CUEDC1: variants seen among roughly 807,000 people sequenced by gnomAD.
CUEDC1 encodes the protein CUE domain containing 1, also known as CUE domain-containing protein 1.
Under a neutral mutation model 43.7 loss-of-function variants are expected in CUEDC1, and 30 were observed. The observed-to-expected ratio is 0.69, with a 90% confidence interval of 0.51 to 0.93. The LOEUF (loss-of-function observed/expected upper bound fraction) is 0.93. Among genes scored for constraint, CUEDC1 ranks in the 40% least tolerant of loss-of-function variants. The pLI is 0.00. For synonymous variants in CUEDC1, 223 were observed against 223.6 expected (o/e 1.00, Z 0.02); for missense variants, 486 against 549.0 (o/e 0.89, Z 1.15).
At chr17:57,920,632 C>T (rs1211163178) in intron 1 of CUEDC1, among the ~76,000 whole-genome samples, 8 of 115,188 alleles carry the variant, frequency 6.9e-5, no homozygotes, top group East Asian at 2.6e-4. Flanking sequence ...TTTTTCTTTT[C>T]TTTTTTTTTT....
intron 1 of CUEDC1, among the ~76,000 whole-genome samples, chr17:57,894,839 G>C (rs1161807484): frequency 6.6e-6 from 1 of 152,122 alleles, no homozygotes; most frequent in African/African-American, 2.4e-5. Flanking sequence ...GGACAAATTG[G>C]TCCCAGAGCC....
intron 1 of CUEDC1, among the ~76,000 whole-genome samples, chr17:57,941,856 T>C (rs2074919684): frequency 6.6e-6 from 1 of 152,236 alleles, no homozygotes; most frequent in Admixed American, 6.5e-5. Flanking sequence ...CCACTGCTGA[T>C]GGCTGGGGCC....
At position 57,885,734 on chromosome 17, in the gene CUEDC1, G is replaced by C; in HGVS notation, c.-170C>G. 1 of 1,143,934 alleles carries C rather than the reference G, an allele frequency of 8.7e-7. No homozygotes were observed. Among genetic ancestry groups the C allele is most frequent in the African/African-American group, 1.6e-5 (1 of 61,188 alleles). The allele number at this position is 1,143,934 out of a possible 1,614,324, so 70.9% of individuals were successfully genotyped here. ...TGGGCTGCCAAGAGCTCCGGGTTAGGAGAGTACGGGCGCGGGGCCCCAGGC... is the reference window on the plus strand; with the variant it reads ...TGGGCTGCCAAGAGCTCCGGGTTAGCAGAGTACGGGCGCGGGGCCCCAGGC... On this transcript the variant is annotated 5_prime_UTR_variant, in exon 2 of 11. Transcript: ENST00000577830.
intron 1 of CUEDC1, among the ~76,000 whole-genome samples, chr17:57,933,860 C>CTTCAAGACTCCCCAGGAGCA (rs1853100370): frequency 6.6e-6 from 1 of 152,138 alleles, no homozygotes; most frequent in Non-Finnish European, 1.5e-5. Context: ...CCTACACCTC[C>CTTCAAGACTCCCCAGGAGCA]TTCAAGACTC....
chr17:57,948,840 A>G (rs1283946202), intron 1 of CUEDC1, among the ~76,000 whole-genome samples: 1 of 152,170 alleles, frequency 6.6e-6, no homozygotes, highest in African/African-American at 2.4e-5. Flanking sequence ...GTGCAGAGAG[A>G]CAAGAGTGAA....
chr17:57,940,265 A>G (rs981175235), intron 1 of CUEDC1, among the ~76,000 whole-genome samples: 7 of 152,112 alleles, frequency 4.6e-5, no homozygotes, highest in African/African-American at 1.7e-4. Context: ...AAAAAAAAAA[A>G]AAAAATGGTG....
intron 2 of CUEDC1, among the ~76,000 whole-genome samples, chr17:57,883,553 A>G (rs760872484): frequency 1.3e-5 from 2 of 152,080 alleles, no homozygotes; most frequent in African/African-American, 4.8e-5. Flanking sequence ...GTGAAACCCC[A>G]TCTCTACTAA....
intron 6 of CUEDC1, 64 bp downstream of exon 6, chr17:57,871,222 A>C: frequency 7.7e-7 from 1 of 1,294,148 alleles, no homozygotes; most frequent in Non-Finnish European, 1.1e-6. Context: ...AAATATGCAA[A>C]GCAAAGTTGG....
intron 2 of CUEDC1, among the ~76,000 whole-genome samples, chr17:57,881,102 A>G (rs1486848861): frequency 1.6e-4 from 25 of 152,220 alleles, no homozygotes; most frequent in Admixed American, 1.6e-3. Context: ...TCTTGAGACC[A>G]GCCATGCCCA....
At chr17:57,925,095 T>C (rs1005575885) in intron 1 of CUEDC1, among the ~76,000 whole-genome samples, 5 of 149,320 alleles carry the variant, frequency 3.3e-5, no homozygotes, top group Admixed American at 2.0e-4. Flanking sequence ...AGATCACAAC[T>C]AGTTTTTAAA....
intron 1 of CUEDC1, among the ~76,000 whole-genome samples, chr17:57,919,647 C>T (rs1249953504): frequency 2.0e-5 from 3 of 152,170 alleles, no homozygotes; most frequent in African/African-American, 7.2e-5. Context: ...GTTTTCAAGA[C>T]AAGGCAGCTG....
intron 1 of CUEDC1, among the ~76,000 whole-genome samples, chr17:57,950,995 G>T (rs771074225): frequency 6.6e-6 from 1 of 152,008 alleles, no homozygotes; most frequent in Non-Finnish European, 1.5e-5. Flanking sequence ...TACAGATGCT[G>T]AGTCATTCTG....
intron 1 of CUEDC1, among the ~76,000 whole-genome samples, chr17:57,890,102 G>A (rs2074339293): frequency 6.6e-6 from 1 of 152,164 alleles, no homozygotes; most frequent in South Asian, 2.1e-4. Flanking sequence ...CATAGCTGTG[G>A]GAACCATTTC....
rs779567119 is a variant in CUEDC1 at position 57,872,733 on chromosome 17, A to G, written c.714T>C (p.Leu238=). The change falls in exon 5 of 11, where the codon CTT becomes CTC. Residue 238 remains leucine (L), a synonymous_variant. Transcript: ENST00000577830. ...TCATGAACTCCTCGTTCTGCAGGAA[A>G]AGCGCGATCCTCTCGTCCTCCAGGT... ...KQYLEDERIA[L]FLQNEEFMKE... 1.2e-6 allele frequency: 2 copies of G among 1,614,200 alleles called. No individual in the cohort carries two copies. The highest frequency in any genetic ancestry group is 1.7e-4 in the Middle Eastern group (1 of 6,060).
chr17:57,867,392 G>C lies in CUEDC1; in HGVS notation c.1058C>G (p.Ala353Gly). ...GCCCTCCACATCATCCAGGAGGTTG[G>C]CTGTTGACGCGGCAGCCCCCAGCCT... ...HQSLGAAAST[A>G]NLLDDVEGHA... Residue 353 changes from alanine to glycine, a missense_variant, in exon 9 of 11, where the codon GCC becomes GGC. By Grantham distance (60) the Ala-to-Gly change is moderately conservative. Coordinates refer to ENST00000577830, the MANE Select transcript of CUEDC1 (RefSeq NM_001271875.2). The C allele has an allele frequency of 6.4e-7, 1 of 1,552,548 alleles. No individual in the cohort carries two copies. The highest frequency in any genetic ancestry group is 1.2e-5 in the South Asian group (1 of 84,122).
intron 2 of CUEDC1, among the ~76,000 whole-genome samples, chr17:57,884,192 CTTTTTTT>C (rs780667346): frequency 1.2e-5 from 1 of 81,360 alleles, no homozygotes; most frequent in Non-Finnish European, 2.3e-5. Flanking sequence ...TTTTTCTTTT[CTTTTTTT>C]TTTTTTTTTT....
chr17:57,911,186 G>A (rs758093936), intron 1 of CUEDC1, among the ~76,000 whole-genome samples: 3 of 152,186 alleles, frequency 2.0e-5, no homozygotes, highest in Non-Finnish European at 4.4e-5. Context: ...GGTCTGGGGT[G>A]AGGTCCAAGA....
intron 3 of CUEDC1, among the ~76,000 whole-genome samples, chr17:57,874,135 A>G (rs2074076908): frequency 6.6e-6 from 1 of 152,240 alleles, no homozygotes. Flanking sequence ...GAACAGACAC[A>G]TAAGCCACCA....
At chr17:57,917,434 C>T (rs529352432) in intron 1 of CUEDC1, among the ~76,000 whole-genome samples, 37 of 152,346 alleles carry the variant, frequency 2.4e-4, no homozygotes, top group Non-Finnish European at 4.3e-4. Flanking sequence ...CCAACACAAT[C>T]CTGCCCTTGG....
Sources: allele counts gnomAD v4.1 joint callset (sites outside exome capture counted in the v4.1 genomes callset), GRCh38; gene constraint gnomAD v4.1.1; transcripts MANE v1.5; gene names NCBI Gene and HGNC (gene_info 2026-07-23, HGNC 2026-07-21).